The following ST6GALNAC3 variants were observed in gnomAD, a reference collection of about 807,000 sequenced individuals.
ST6GALNAC3 encodes alpha-N-acetylgalactosaminide alpha-2,6-sialyltransferase 3.
ST6GALNAC3 carries 25 observed loss-of-function variants against 32.7 expected under a neutral mutation model. The ratio of observed to expected loss-of-function variants is 0.76; its 90% confidence interval spans 0.56 to 1.07. The LOEUF (loss-of-function observed/expected upper bound fraction) is 1.07. Among genes scored for constraint, ST6GALNAC3 ranks in the 50% least tolerant of loss-of-function variants. ST6GALNAC3 has a pLI of 0.00. For missense variants in ST6GALNAC3, 355 were observed against 382.4 expected (o/e 0.93, Z 0.60); for synonymous variants, 129 against 133.1 (o/e 0.97, Z 0.21).
In ST6GALNAC3 at chr1:76,160,167, G is replaced by T. The variant is rs181245280; in HGVS notation, c.18+85283G>T. Among the ~76,000 whole-genome samples, 74 of 152,274 alleles carry T rather than the reference G, an allele frequency of 4.9e-4. 1 individual carries two copies. In the East Asian group the frequency reaches 0.012, roughly 24 times the overall value. On this transcript the variant is annotated intron_variant, in intron 1 of 4. Coordinates refer to ENST00000328299, the MANE Select transcript of ST6GALNAC3 (RefSeq NM_152996.4). Reference sequence around the variant, plus strand: ...AGGAATGTGAGTGGACACACAGATGGATGAAAATATATAATGTGTTCAGGG... The same window carrying T: ...AGGAATGTGAGTGGACACACAGATGTATGAAAATATATAATGTGTTCAGGG...
At chr1:76,215,025 C>A (rs1429823833) in intron 1 of ST6GALNAC3, among the ~76,000 whole-genome samples, 1 of 152,144 alleles carries the variant, frequency 6.6e-6, no homozygotes, top group South Asian at 2.1e-4. Context: ...TAAAAGCTAG[C>A]ATGAACATAG....
At chr1:76,360,751 G>A (rs1649864547) in intron 2 of ST6GALNAC3, among the ~76,000 whole-genome samples, 1 of 152,182 alleles carries the variant, frequency 6.6e-6, no homozygotes, top group Admixed American at 6.5e-5. Context: ...TACATAATAA[G>A]TAGGTTTGGG....
chr1:76,500,460 T>C lies in ST6GALNAC3; in HGVS notation c.623+88043T>C, dbSNP rs572117320. Among the ~76,000 whole-genome samples, 5 of 152,346 alleles carry C rather than the reference T, an allele frequency of 3.3e-5. No individual in the cohort carries two copies. The South Asian group carries it at 1.0e-3, about 32-fold the overall frequency. On this transcript the variant is annotated intron_variant, in intron 3 of 4. Coordinates refer to ENST00000328299, the MANE Select transcript of ST6GALNAC3 (RefSeq NM_152996.4). ...AGATTCATTCTGTAGGGCTGTATGT[T>C]GGATCTCACAACACAACTACTTATT...
chr1:76,480,769 C>G (rs1659671834), intron 3 of ST6GALNAC3, among the ~76,000 whole-genome samples: 1 of 152,086 alleles, frequency 6.6e-6, no homozygotes, highest in Admixed American at 6.5e-5. Flanking sequence ...AATAAGTAAT[C>G]ACTCTCCTTA....
At chr1:76,307,251 A>G (rs754111150) in intron 1 of ST6GALNAC3, among the ~76,000 whole-genome samples, 1 of 152,128 alleles carries the variant, frequency 6.6e-6, no homozygotes, top group Non-Finnish European at 1.5e-5. Context: ...AGTTCACTAT[A>G]GTTTAATAAG....
rs188882850 is a variant in ST6GALNAC3, at chr1:76,119,364, A to C, written c.18+44480A>C. On this transcript the variant is annotated intron_variant, in intron 1 of 4. Coordinates refer to ENST00000328299, the MANE Select transcript of ST6GALNAC3 (RefSeq NM_152996.4). ...GAAACAATGATTGTTAAGTCCTTTA[A>C]TGCTAAATATTTACTCTATAATGGT... is the stretch of plus-strand genomic sequence containing the variant. 3.0e-4 allele frequency among the ~76,000 whole-genome samples: 45 copies of C among 152,342 alleles called. No individual in the cohort carries two copies. In the East Asian group the frequency reaches 7.7e-3, roughly 26 times the overall value.
At chr1:76,549,264 T>C (rs562338668) in intron 3 of ST6GALNAC3, among the ~76,000 whole-genome samples, 1 of 152,272 alleles carries the variant, frequency 6.6e-6, no homozygotes, top group African/African-American at 2.4e-5. Flanking sequence ...ATCCAATTGA[T>C]GTCCCCGTGT....
chr1:76,112,401 C>G (rs1268438742), intron 1 of ST6GALNAC3, among the ~76,000 whole-genome samples: 8 of 143,526 alleles, frequency 5.6e-5, no homozygotes, highest in Non-Finnish European at 1.2e-4. Flanking sequence ...CCGGACTGGG[C>G]GGCTGGCCGG....
At chr1:76,459,444 G>T (rs955792410) in intron 3 of ST6GALNAC3, among the ~76,000 whole-genome samples, 4 of 151,984 alleles carry the variant, frequency 2.6e-5, no homozygotes, top group African/African-American at 9.7e-5. Flanking sequence ...GGCACCTGTA[G>T]TCCCAGCTAC....
At chr1:76,267,172 C>T (rs10493589) in intron 1 of ST6GALNAC3, among the ~76,000 whole-genome samples, 24,102 of 152,120 alleles carry the variant, frequency 0.16, 2,080 homozygotes, top group Middle Eastern at 0.21. Flanking sequence ...ACTCAGGTCC[C>T]GGAACTTTTG....
intron 3 of ST6GALNAC3, among the ~76,000 whole-genome samples, chr1:76,565,916 T>C (rs1033179816): frequency 4.6e-5 from 7 of 152,236 alleles, no homozygotes; most frequent in Admixed American, 3.3e-4. Context: ...ATAAGATTAG[T>C]AAAAAGCCTT....
intron 3 of ST6GALNAC3, among the ~76,000 whole-genome samples, chr1:76,573,982 C>G (rs934509774): frequency 6.6e-6 from 1 of 151,876 alleles, no homozygotes; most frequent in African/African-American, 2.4e-5. Context: ...GTTCAAAATT[C>G]AATAAATATT....
At chr1:76,337,003 G>A (rs1011346339) in intron 2 of ST6GALNAC3, among the ~76,000 whole-genome samples, 6 of 152,224 alleles carry the variant, frequency 3.9e-5, no homozygotes, top group African/African-American at 4.8e-5. Flanking sequence ...GTGGAGACAA[G>A]CGGGGCTGAC....
intron 3 of ST6GALNAC3, among the ~76,000 whole-genome samples, chr1:76,456,135 G>A (rs1657768660): frequency 6.6e-6 from 1 of 152,144 alleles, no homozygotes; most frequent in Non-Finnish European, 1.5e-5. Context: ...TCATGACACT[G>A]CACTCCAGAC....
chr1:76,108,494 A>G (rs1169160095), intron 1 of ST6GALNAC3, among the ~76,000 whole-genome samples: 1 of 152,204 alleles, frequency 6.6e-6, no homozygotes, highest in Non-Finnish European at 1.5e-5. Flanking sequence ...TCCATTGTGA[A>G]TAGAGATAGA....
chr1:76,544,320 A>G (rs1187081258), intron 3 of ST6GALNAC3, among the ~76,000 whole-genome samples: 4 of 152,116 alleles, frequency 2.6e-5, no homozygotes, highest in Admixed American at 2.6e-4. Flanking sequence ...TTTAAGCAGG[A>G]TTGATGTTTT....
intron 3 of ST6GALNAC3, among the ~76,000 whole-genome samples, chr1:76,483,860 AC>A (rs1659909576): frequency 1.3e-5 from 2 of 152,162 alleles, no homozygotes; most frequent in Non-Finnish European, 2.9e-5. Context: ...TTTAGGTCTA[AC>A]ATTTAAGTCT....
At chr1:76,161,430 G>T (rs968324535) in intron 1 of ST6GALNAC3, among the ~76,000 whole-genome samples, 1 of 152,198 alleles carries the variant, frequency 6.6e-6, no homozygotes, top group East Asian at 1.9e-4. Context: ...GACCCTTGCT[G>T]CTTGCTTCCC....
intron 1 of ST6GALNAC3, among the ~76,000 whole-genome samples, chr1:76,291,137 A>G (rs1012053250): frequency 2.0e-5 from 3 of 152,262 alleles, no homozygotes; most frequent in African/African-American, 7.2e-5. Context: ...ACTTGAAAAT[A>G]AAGTGGTTCC....
Sources: allele counts gnomAD v4.1 joint callset (sites outside exome capture counted in the v4.1 genomes callset), GRCh38; gene constraint gnomAD v4.1.1; transcripts MANE v1.5; gene names NCBI Gene and HGNC (gene_info 2026-07-23, HGNC 2026-07-21).